Variants in CSMD1 observed in about 807,000 individuals in gnomAD.
The protein encoded by CSMD1 is CUB and Sushi multiple domains 1.
CSMD1 carries 213 observed loss-of-function variants against 417.5 expected under a neutral mutation model. That is an observed-to-expected ratio of 0.51 (90% CI 0.46 to 0.57). The LOEUF is 0.57. CSMD1 is among the 20% of genes least tolerant of loss of function. The pLI is 0.00. For synonymous variants in CSMD1, 2,862 were observed against 1,736.8 expected (o/e 1.65, Z -16.11); for missense variants, 6,923 against 4,529.7 (o/e 1.53, Z -15.17).
chr8:3,891,672 G>A (rs991902074), intron 5 of CSMD1, among the ~76,000 whole-genome samples: 1 of 137,672 alleles, frequency 7.3e-6, no homozygotes, highest in African/African-American at 2.5e-5. Context: ...GACAAAGCAA[G>A]ACCTTGTCTC....
intron 1 of CSMD1, among the ~76,000 whole-genome samples, chr8:4,641,061 T>A (rs1803160000): frequency 6.6e-6 from 1 of 151,498 alleles, no homozygotes. Flanking sequence ...TATATATATA[T>A]ATGAACACAC....
intron 1 of CSMD1, among the ~76,000 whole-genome samples, chr8:4,765,809 G>C (rs1202980907): frequency 6.6e-6 from 1 of 152,302 alleles, no homozygotes; most frequent in African/African-American, 2.4e-5. Flanking sequence ...AAGGTAGCTG[G>C]ATGTGGAGTT....
chr8:3,616,673 A>C (rs1168714741), intron 8 of CSMD1, 37 bp downstream of exon 8: 2 of 1,329,334 alleles, frequency 1.5e-6, no homozygotes, highest in Non-Finnish European at 2.2e-6. Flanking sequence ...TGTCTTAAAA[A>C]TAACATGCTT....
chr8:4,690,984 C>T (rs1259975980), intron 1 of CSMD1, among the ~76,000 whole-genome samples: 1 of 152,190 alleles, frequency 6.6e-6, no homozygotes, highest in Non-Finnish European at 1.5e-5. Context: ...GCCGTGGCCT[C>T]CCAAAGTGCT....
At chr8:3,661,961 G>C (rs1291690610) in intron 7 of CSMD1, among the ~76,000 whole-genome samples, 2 of 152,140 alleles carry the variant, frequency 1.3e-5, no homozygotes, top group Admixed American at 6.5e-5. Flanking sequence ...AAATGAGAAC[G>C]GGACACCCAG....
At chr8:3,043,765 C>T (rs762229028) in intron 50 of CSMD1, 15 of 152,116 alleles carry the variant, frequency 9.9e-5, no homozygotes, top group East Asian at 5.8e-4. Flanking sequence ...TGGACAAAAC[C>T]GTCAGCTCAA....
intron 2 of CSMD1, among the ~76,000 whole-genome samples, chr8:4,508,919 G>A (rs149466547): frequency 4.2e-4 from 64 of 152,124 alleles, no homozygotes; most frequent in Middle Eastern, 3.4e-3. Flanking sequence ...TGGTGCACAG[G>A]GGCATAAATC....
At chr8:4,488,860 T>C (rs1197239848) in intron 2 of CSMD1, among the ~76,000 whole-genome samples, 3 of 152,202 alleles carry the variant, frequency 2.0e-5, no homozygotes, top group African/African-American at 7.2e-5. Context: ...GTCCTTATGA[T>C]AAAACGACAG....
At chr8:4,943,402 A>G (rs1808150950) in intron 1 of CSMD1, among the ~76,000 whole-genome samples, 1 of 152,028 alleles carries the variant, frequency 6.6e-6, no homozygotes, top group Non-Finnish European at 1.5e-5. Flanking sequence ...AGGCTGAGGC[A>G]GGAGAATGGC....
At position 4,078,009 on chromosome 8, in the gene CSMD1, AAAT is replaced by A. The variant is rs924541007; in HGVS notation, c.416-45913_416-45911del. 3.9e-5 allele frequency among the ~76,000 whole-genome samples: 6 copies of A among 152,186 alleles called. No individual in the cohort carries two copies. The South Asian group carries it at 1.0e-3, about 26-fold the overall frequency. ...CCTCTTTCATCTCTCAGTTGGAAAA[AAAT>A]AGCGCTATTTCAAGAAATGCAATCC... On this transcript the variant is annotated intron_variant, in intron 3 of 69. Coordinates refer to ENST00000635120, the MANE Select transcript of CSMD1 (RefSeq NM_033225.6).
chr8:3,601,192 T>A lies in CSMD1; in HGVS notation c.1098-14932A>T, dbSNP rs535809922. 3.9e-5 allele frequency among the ~76,000 whole-genome samples: 6 copies of A among 152,310 alleles called. No individual in the cohort carries two copies. In the East Asian group the frequency reaches 7.7e-4, roughly 20 times the overall value. On this transcript the variant is annotated intron_variant, in intron 8 of 69. Coordinates refer to ENST00000635120, the MANE Select transcript of CSMD1 (RefSeq NM_033225.6). Reference sequence around the variant, plus strand: ...ATCATTGTGTCCGTGGGATTCCTGTTCATGGGAGCTGCTCATTGGCCTCAC... The same window carrying A: ...ATCATTGTGTCCGTGGGATTCCTGTACATGGGAGCTGCTCATTGGCCTCAC...
intron 5 of CSMD1, among the ~76,000 whole-genome samples, chr8:3,787,239 A>C (rs1020565648): frequency 1.3e-5 from 2 of 152,174 alleles, no homozygotes; most frequent in Non-Finnish European, 2.9e-5. Context: ...ACAACAACAA[A>C]AAAAGAATTT....
intron 2 of CSMD1, among the ~76,000 whole-genome samples, chr8:4,577,460 G>A (rs73184980): frequency 0.19 from 28,208 of 152,092 alleles, 2,684 homozygotes; most frequent in Middle Eastern, 0.21. Flanking sequence ...CCAGCTCCAA[G>A]CGTGCTCCCC....
Position 4,432,217 on chromosome 8 carries a change from T to G in CSMD1, c.303-12152A>C, listed in dbSNP as rs73658888. 2.2e-3 allele frequency among the ~76,000 whole-genome samples: 331 copies of G among 152,308 alleles called. 3 individuals carry two copies. The highest frequency in any genetic ancestry group is 7.7e-3 in the African/African-American group (322 of 41,572). Reference sequence around the variant, plus strand: ...AAAGTAAAATTGGAATTTAAAAATTTTGTCAAATGGGTTATGAGAAAACAG... The same window carrying G: ...AAAGTAAAATTGGAATTTAAAAATTGTGTCAAATGGGTTATGAGAAAACAG... On this transcript the variant is annotated intron_variant, in intron 2 of 69. Coordinates refer to ENST00000635120, the MANE Select transcript of CSMD1 (RefSeq NM_033225.6).
chr8:4,797,565 C>A (rs915041715), intron 1 of CSMD1, among the ~76,000 whole-genome samples: 1 of 151,832 alleles, frequency 6.6e-6, no homozygotes, highest in Non-Finnish European at 1.5e-5. Context: ...AAAATAAGTA[C>A]AATATAAAAG....
chr8:3,579,205 A>C (rs2220012), intron 9 of CSMD1, among the ~76,000 whole-genome samples: 7,847 of 151,834 alleles, frequency 0.052, 681 homozygotes, highest in African/African-American at 0.18. Context: ...AAACGTCAGG[A>C]GGGAAAGTGG....
At chr8:4,788,232 G>T in intron 1 of CSMD1, 2 of 1,589,190 alleles carry the variant, frequency 1.3e-6, no homozygotes, top group Non-Finnish European at 1.7e-6. Context: ...AGGACCAGAT[G>T]AAACTCTGAG....
chr8:3,379,217 A>C (rs1356177672), intron 18 of CSMD1, among the ~76,000 whole-genome samples: 1 of 152,226 alleles, frequency 6.6e-6, no homozygotes, highest in African/African-American at 2.4e-5. Flanking sequence ...TTCAAGGAGA[A>C]CTACAAACCA....
At chr8:4,583,528 T>A (rs79519088) in intron 2 of CSMD1, among the ~76,000 whole-genome samples, 1 of 151,822 alleles carries the variant, frequency 6.6e-6, no homozygotes, top group African/African-American at 2.4e-5. Context: ...ACACTCTGTA[T>A]CTTGCTCAAG....
Sources: gnomAD v4.1 joint callset for allele counts (sites outside exome capture counted in the v4.1 genomes callset) on GRCh38, gnomAD v4.1.1 for gene constraint, MANE v1.5 for transcripts, NCBI Gene and HGNC (gene_info 2026-07-23, HGNC 2026-07-21) for gene names.